C8orf76: variants seen among roughly 807,000 people sequenced by gnomAD.
C8orf76 encodes the protein uncharacterized protein C8orf76.
C8orf76 carries 46 observed loss-of-function variants against 38.1 expected under a neutral mutation model. The ratio of observed to expected loss-of-function variants is 1.21; its 90% CI spans 0.95 to 1.54. C8orf76 has a LOEUF of 1.54. Ranked by LOEUF, C8orf76 falls within the 40% of genes most tolerant of loss-of-function variation. C8orf76 has a pLI of 0.00. For synonymous variants in C8orf76, 166 were observed against 167.5 expected (o/e 0.99, Z 0.07); for missense variants, 461 against 441.6 (o/e 1.04, Z -0.39).
At chr8:123,235,331 G>A (rs560520518) in intron 3 of C8orf76, among the ~76,000 whole-genome samples, 2 of 152,102 alleles carry the variant, frequency 1.3e-5, no homozygotes, top group African/African-American at 2.4e-5. Flanking sequence ...GGGACTTGCT[G>A]TCTATTTTGT....
intron 4 of C8orf76, among the ~76,000 whole-genome samples, chr8:123,227,087 C>A (rs557306260): frequency 6.6e-6 from 1 of 152,000 alleles, no homozygotes; most frequent in African/African-American, 2.4e-5. Context: ...GCAACTTGAC[C>A]GCAAGGACTA....
chr8:123,241,104 G>A, intron 1 of C8orf76, 126 bp downstream of exon 1: 1 of 941,562 alleles, frequency 1.1e-6, no homozygotes, highest in Non-Finnish European at 1.5e-6. Flanking sequence ...GGCGGGGGAC[G>A]CGGCGGGCGC....
intron 3 of C8orf76, among the ~76,000 whole-genome samples, chr8:123,232,872 G>C (rs377303669): frequency 6.6e-6 from 1 of 152,186 alleles, no homozygotes; most frequent in East Asian, 1.9e-4. Flanking sequence ...ACAGCTCCTC[G>C]GCCATCACAG....
chr8:123,229,639 T>C (rs1200752378), intron 4 of C8orf76, among the ~76,000 whole-genome samples: 1 of 152,232 alleles, frequency 6.6e-6, no homozygotes, highest in East Asian at 1.9e-4. Flanking sequence ...ACCAAGCACA[T>C]GTCTGGCACA....
At chr8:123,226,126 C>A in intron 5 of C8orf76, 1 of 1,044,874 alleles carries the variant, frequency 9.6e-7, no homozygotes, top group Non-Finnish European at 1.2e-6. Context: ...TCAATTCTAG[C>A]TCTACTCAAC....
At chr8:123,234,542 G>A (rs1825389928) in intron 3 of C8orf76, among the ~76,000 whole-genome samples, 1 of 152,132 alleles carries the variant, frequency 6.6e-6, no homozygotes, top group African/African-American at 2.4e-5. Flanking sequence ...GCTGAGGCGG[G>A]TGGACTGCCT....
intron 2 of C8orf76, 66 bp from the exon 3 acceptor site, chr8:123,238,007 T>C (rs916391191): frequency 5.9e-6 from 9 of 1,533,002 alleles, no homozygotes; most frequent in East Asian, 2.3e-5. Flanking sequence ...GGATTCAGAA[T>C]AGGGGTGATT....
At chr8:123,224,436 A>T (rs1434172532) in intron 5 of C8orf76, among the ~76,000 whole-genome samples, 3 of 152,066 alleles carry the variant, frequency 2.0e-5, no homozygotes, top group Non-Finnish European at 4.4e-5. Context: ...ACATAGCAAG[A>T]CCCTGCCTCT....
Position 123,220,126 on chromosome 8 carries a change from T to C in C8orf76, c.1120A>G (p.Thr374Ala). ...HFCPFENQFH[T>A]EIQILA ...CACTAAGCCAAGATTTGTATCTCTG[T>C]ATGGAACTGATTTTCAAATGGACAG... The change falls in exon 6 of 6, where the codon ACA (threonine) becomes GCA (alanine). Residue 374 changes from threonine to alanine, a missense_variant. Transcript: ENST00000276704. 6.2e-7 allele frequency: 1 copy of C among 1,611,718 alleles called. No homozygotes were observed. The highest frequency in any genetic ancestry group is 8.5e-7 in the Non-Finnish European group (1 of 1,179,274).
At chr8:123,239,384 G>A in intron 1 of C8orf76, 1 of 384,656 alleles carries the variant, frequency 2.6e-6, no homozygotes, top group Non-Finnish European at 4.9e-6. Context: ...TCTTTAAAAT[G>A]AGACATGCTT....
At chr8:123,232,980 CCTT>C (rs1825329164) in intron 3 of C8orf76, among the ~76,000 whole-genome samples, 2 of 152,232 alleles carry the variant, frequency 1.3e-5, no homozygotes, top group South Asian at 4.1e-4. Flanking sequence ...CAAATGCTAC[CCTT>C]CTTCTGTAAC....
intron 4 of C8orf76, among the ~76,000 whole-genome samples, chr8:123,227,473 C>T (rs1825087290): frequency 6.6e-6 from 1 of 151,968 alleles, no homozygotes; most frequent in South Asian, 2.1e-4. Flanking sequence ...CAGGTAGTGA[C>T]AAGTGCTATG....
Position 123,220,311 on chromosome 8 carries a change from A to T in C8orf76, c.949-14T>A. On this transcript the variant is annotated splice_polypyrimidine_tract_variant and intron_variant, in intron 5 of 5. Transcript: ENST00000276704. ...TTCTCCCATAACCTATAACAGGAGG[A>T]AAAAAAAAAACTGTCCCAATAAAAG... The T allele has an allele frequency of 8.5e-7, 1 of 1,180,678 alleles. No individual in the cohort carries two copies. The highest frequency in any genetic ancestry group is 1.1e-6 in the Non-Finnish European group (1 of 890,724). The allele number at this position is 1,180,678 out of a possible 1,614,324, so 73.1% of individuals were successfully genotyped here.
At chr8:123,226,142 A>G in intron 5 of C8orf76, 1 of 1,063,478 alleles carries the variant, frequency 9.4e-7, no homozygotes, top group Non-Finnish European at 1.1e-6. Context: ...TCAACTTCAC[A>G]AGCTGTTATG....
In C8orf76 at chr8:123,231,423, T is replaced by C. The variant is rs1825266717; in HGVS notation, c.692A>G (p.Asn231Ser). The C allele has an allele frequency of 6.2e-7, 1 of 1,614,240 alleles. No homozygotes were observed. The highest frequency in any genetic ancestry group is 8.5e-7 in the Non-Finnish European group (1 of 1,180,048). The change falls in exon 4 of 6, where the codon AAT (asparagine) becomes AGT (serine). Residue 231 changes from asparagine (N) to serine (S), a missense_variant. Transcript: ENST00000276704. ...PESSLFSVEANSSNSQKNEKA... is the reference protein window; with the variant it reads ...PESSLFSVEASSSNSQKNEKA... ...CTCATTTTTCTGGCTATTACTGCTA[T>C]TCGCTTCCACAGAAAATAAAGAGCT...
At chr8:123,233,133 G>A (rs1026770747) in intron 3 of C8orf76, among the ~76,000 whole-genome samples, 8 of 151,448 alleles carry the variant, frequency 5.3e-5, no homozygotes, top group African/African-American at 1.9e-4. Context: ...CAATCCTCCT[G>A]CCTCAGCCTC....
intron 3 of C8orf76, chr8:123,237,097 ATACAAC>A (rs1345390763): frequency 1.9e-6 from 2 of 1,033,218 alleles, no homozygotes; most frequent in African/African-American, 1.6e-5. Context: ...TCGCCCAGAA[ATACAAC>A]TACAACAAGA....
At chr8:123,228,076 C>A (rs1825110289) in intron 4 of C8orf76, among the ~76,000 whole-genome samples, 1 of 152,164 alleles carries the variant, frequency 6.6e-6, no homozygotes, top group African/African-American at 2.4e-5. Context: ...GCGGAAGGCA[C>A]CACCATCCAC....
intron 1 of C8orf76, chr8:123,240,084 A>G (rs1825631222): frequency 6.6e-6 from 1 of 152,552 alleles, no homozygotes; most frequent in African/African-American, 2.4e-5. Flanking sequence ...AAGTATTTTC[A>G]TATACATTAT....
Sources: gnomAD v4.1 joint callset for allele counts (sites outside exome capture counted in the v4.1 genomes callset) on GRCh38, gnomAD v4.1.1 for gene constraint, MANE v1.5 for transcripts, NCBI Gene and HGNC (gene_info 2026-07-23, HGNC 2026-07-21) for gene names.